The following METTL25 variants were observed in gnomAD, a reference collection of about 807,000 sequenced individuals.
METTL25 encodes methyltransferase like 25.
A neutral mutation model predicts 71.6 loss-of-function variants in METTL25; 64 were observed. That is an observed-to-expected ratio of 0.89 (90% CI 0.73 to 1.10). The LOEUF (loss-of-function observed/expected upper bound fraction) is 1.10, where lower values mean the gene tolerates loss of function less well. Among genes scored for constraint, METTL25 ranks in the 50% least tolerant of loss-of-function variants. The probability of loss-of-function intolerance (pLI) is 0.00; values close to 1 mark genes in which losing one functional copy is unlikely to be tolerated. For synonymous variants in METTL25, 287 were observed against 250.3 expected, an observed-to-expected ratio of 1.15 and a Z score of -1.38; for missense variants, 807 against 707.0, an observed-to-expected ratio of 1.14 and a Z score of -1.60.
chr12:82,360,356 G>T (rs1881680306), intron 1 of METTL25, among the ~76,000 whole-genome samples: 1 of 151,958 alleles, frequency 6.6e-6, no homozygotes, highest in African/African-American at 2.4e-5. Context: ...GATAGGTTCT[G>T]TTATTGTCGA....
chr12:82,402,205 T>G (rs574346582), intron 4 of METTL25, among the ~76,000 whole-genome samples: 89 of 152,166 alleles, frequency 5.8e-4, no homozygotes, highest in African/African-American at 2.1e-3. Context: ...TTAATTAAAT[T>G]TTATATTGTC....
At chr12:82,422,130 T>C (rs1164361335) in intron 5 of METTL25, among the ~76,000 whole-genome samples, 2 of 152,186 alleles carry the variant, frequency 1.3e-5, no homozygotes, top group South Asian at 2.1e-4. Flanking sequence ...GTGATGAACA[T>C]CAATGCAAAA....
chr12:82,385,929 G>A (rs1884945909), intron 1 of METTL25, among the ~76,000 whole-genome samples: 1 of 152,074 alleles, frequency 6.6e-6, no homozygotes, highest in Non-Finnish European at 1.5e-5. Context: ...AAAATGGTAT[G>A]GTTCACCTTG....
At chr12:82,389,539 CT>C (rs1885376459) in intron 2 of METTL25, among the ~76,000 whole-genome samples, 1 of 151,950 alleles carries the variant, frequency 6.6e-6, no homozygotes, top group Non-Finnish European at 1.5e-5. Context: ...ATAATGTTGT[CT>C]TTTGATGAAA....
chr12:82,390,618 G>T (rs939429149), intron 3 of METTL25, among the ~76,000 whole-genome samples: 1 of 151,988 alleles, frequency 6.6e-6, no homozygotes, highest in Non-Finnish European at 1.5e-5. Flanking sequence ...TCTTTCCATG[G>T]ATTCATCAAA....
intron 1 of METTL25, among the ~76,000 whole-genome samples, chr12:82,379,377 G>T (rs1884202557): frequency 6.6e-6 from 1 of 152,030 alleles, no homozygotes; most frequent in Non-Finnish European, 1.5e-5. Context: ...TTTGAAATTT[G>T]TATTTTGCTA....
At chr12:82,424,580 G>A (rs546137239) in intron 5 of METTL25, among the ~76,000 whole-genome samples, 40 of 151,596 alleles carry the variant, frequency 2.6e-4, no homozygotes, top group Non-Finnish European at 5.5e-4. Context: ...TATTGATAAT[G>A]CAAAACTAGA....
At chr12:82,452,352 A>AT (rs1303500552) in intron 8 of METTL25, among the ~76,000 whole-genome samples, 2 of 152,126 alleles carry the variant, frequency 1.3e-5, no homozygotes. Context: ...CAATTGCAGT[A>AT]TTTAGCCAGG....
intron 5 of METTL25, among the ~76,000 whole-genome samples, chr12:82,422,671 C>T (rs1470470337): frequency 6.6e-6 from 1 of 152,060 alleles, no homozygotes; most frequent in African/African-American, 2.4e-5. Context: ...CAAAATCTCC[C>T]TAAGGTGATA....
At chr12:82,382,816 A>G (rs1884572545) in intron 1 of METTL25, among the ~76,000 whole-genome samples, 1 of 152,024 alleles carries the variant, frequency 6.6e-6, no homozygotes, top group Non-Finnish European at 1.5e-5. Flanking sequence ...TGCAGGCTCA[A>G]GCAATCCTAA....
At chr12:82,381,466 A>G (rs1289126008) in intron 1 of METTL25, among the ~76,000 whole-genome samples, 1 of 152,224 alleles carries the variant, frequency 6.6e-6, no homozygotes, top group African/African-American at 2.4e-5. Context: ...TTGCATGTTT[A>G]TATAACATTT....
intron 7 of METTL25, among the ~76,000 whole-genome samples, chr12:82,437,025 T>TG (rs1167078928): frequency 6.6e-6 from 1 of 151,528 alleles, no homozygotes; most frequent in Non-Finnish European, 1.5e-5. Context: ...TTTAAGAAAG[T>TG]GGGGGACAGA....
chr12:82,429,580 T>C (rs1223157394), intron 5 of METTL25, among the ~76,000 whole-genome samples: 2 of 151,678 alleles, frequency 1.3e-5, no homozygotes, highest in Non-Finnish European at 3.0e-5. Context: ...TAATGGGATT[T>C]CTGGATTGTA....
chr12:82,400,768 C>G (rs1273651873), intron 4 of METTL25, among the ~76,000 whole-genome samples: 2 of 151,996 alleles, frequency 1.3e-5, no homozygotes, highest in African/African-American at 4.8e-5. Flanking sequence ...ACTAACACCC[C>G]CTATTCCCCC....
intron 5 of METTL25, among the ~76,000 whole-genome samples, chr12:82,421,816 T>C (rs191975779): frequency 6.6e-6 from 1 of 152,188 alleles, no homozygotes. Flanking sequence ...ATAAATTCCT[T>C]GACACATACA....
chr12:82,385,412 A>G (rs1026635919), intron 1 of METTL25, among the ~76,000 whole-genome samples: 3 of 152,152 alleles, frequency 2.0e-5, no homozygotes, highest in African/African-American at 7.2e-5. Flanking sequence ...TGGTAGAACT[A>G]AACTTCTTCC....
At chr12:82,409,903 CAG>C (rs1887418844) in intron 5 of METTL25, among the ~76,000 whole-genome samples, 1 of 152,014 alleles carries the variant, frequency 6.6e-6, no homozygotes, top group Non-Finnish European at 1.5e-5. Context: ...CTGTGTCAAA[CAG>C]AAATTTGTCA....
At chr12:82,444,202 T>G (rs187423877) in intron 8 of METTL25, among the ~76,000 whole-genome samples, 4 of 152,220 alleles carry the variant, frequency 2.6e-5, no homozygotes, top group East Asian at 1.9e-4. Context: ...CAGCTCTAAT[T>G]CATCTGGCAA....
At chr12:82,411,917 A>G (rs1173407333) in intron 5 of METTL25, among the ~76,000 whole-genome samples, 2 of 152,136 alleles carry the variant, frequency 1.3e-5, no homozygotes, top group Non-Finnish European at 2.9e-5. Context: ...ATAAAGAATT[A>G]TTTAACTTTA....
Sources: allele counts gnomAD v4.1 joint callset (sites outside exome capture counted in the v4.1 genomes callset), GRCh38; gene constraint gnomAD v4.1.1; transcripts MANE v1.5; gene names NCBI Gene and HGNC (gene_info 2026-07-23, HGNC 2026-07-21).